SAMD4B: variants seen among roughly 807,000 people sequenced by gnomAD.
SAMD4B encodes the protein sterile alpha motif domain containing 4B, also known as protein Smaug homolog 2.
SAMD4B carries 5 observed loss-of-function variants against 74.5 expected under a neutral mutation model. That is an observed-to-expected ratio of 0.07 (90% CI 0.04 to 0.14). The LOEUF is 0.14. Among genes scored for constraint, SAMD4B ranks in the 10% least tolerant of loss-of-function variants. The pLI, the probability that SAMD4B is intolerant of heterozygous loss-of-function variation, is 1.00. For synonymous variants in SAMD4B, 373 were observed against 374.9 expected, an observed-to-expected ratio of 1.00 and a Z score of 0.06; for missense variants, 608 against 921.8, an observed-to-expected ratio of 0.66 and a Z score of 4.41.
chr19:39,389,896 C>T, downstream of SAMD4B: 5 of 1,278,890 alleles, frequency 3.9e-6, no homozygotes, highest in Non-Finnish European at 5.6e-6. This position sits in a 1 kb window ranked among gnomAD's most constrained non-coding sequence, Gnocchi z 5.3. Context: ...AAAGCTGGCT[C>T]CCCAGTGGGA....
At chr19:39,367,129 T>G (rs1184332627) in intron 3 of SAMD4B, among the ~76,000 whole-genome samples, 1 of 152,232 alleles carries the variant, frequency 6.6e-6, no homozygotes, top group African/African-American at 2.4e-5. Context: ...GTGATCACAC[T>G]TGCCCAGAGT....
intron 4 of SAMD4B, among the ~76,000 whole-genome samples, chr19:39,374,097 GTC>G (rs2077459927): frequency 6.6e-6 from 1 of 152,014 alleles, no homozygotes; most frequent in Non-Finnish European, 1.5e-5. Context: ...GTGAAACCCT[GTC>G]TCTACTAAAA....
chr19:39,366,173 G>T (rs768515353), intron 3 of SAMD4B, among the ~76,000 whole-genome samples: 19 of 152,188 alleles, frequency 1.2e-4, no homozygotes, highest in Non-Finnish European at 2.8e-4. Flanking sequence ...AAAATTAGCC[G>T]GGTGTCATGG....
At chr19:39,351,822 C>T (rs1035609790) in intron 1 of SAMD4B, 2 of 152,100 alleles carry the variant, frequency 1.3e-5, no homozygotes, top group African/African-American at 4.8e-5. Flanking sequence ...CTTAGTAGTT[C>T]CAGCAAAAAT....
intron 7 of SAMD4B, among the ~76,000 whole-genome samples, 188 bp from the exon 8 acceptor site, chr19:39,377,297 T>C (rs1406071629): frequency 1.3e-5 from 2 of 152,158 alleles, no homozygotes; most frequent in Admixed American, 6.5e-5. Flanking sequence ...GACTTCATCT[T>C]AATGGGAAAG....
intron 9 of SAMD4B, 73 bp from the exon 10 acceptor site, chr19:39,379,893 G>C: frequency 2.4e-6 from 3 of 1,275,378 alleles, no homozygotes; most frequent in Non-Finnish European, 3.4e-6. Flanking sequence ...TTGAACAAAT[G>C]AATGGAAGAC....
intron 1 of SAMD4B, among the ~76,000 whole-genome samples, 168 bp from the exon 2 acceptor site, chr19:39,353,838 G>A (rs1190534290): frequency 6.6e-6 from 1 of 152,202 alleles, no homozygotes; most frequent in Non-Finnish European, 1.5e-5. Flanking sequence ...CTGACCTCAA[G>A]TGATCTGCCT....
intron 3 of SAMD4B, among the ~76,000 whole-genome samples, chr19:39,357,903 T>G (rs961878389): frequency 2.6e-5 from 4 of 152,224 alleles, no homozygotes; most frequent in African/African-American, 4.8e-5. Context: ...TGCACCTTCT[T>G]CTTCAGAATA....
chr19:39,380,458 G>A (rs909360893), intron 10 of SAMD4B, 129 bp from the exon 11 acceptor site: 19 of 985,660 alleles, frequency 1.9e-5, no homozygotes, highest in Non-Finnish European at 2.7e-5. Flanking sequence ...TGGGGCAGAT[G>A]AGGACAGAAT....
intron 3 of SAMD4B, among the ~76,000 whole-genome samples, chr19:39,362,346 T>C (rs148510312): frequency 6.6e-6 from 1 of 152,102 alleles, no homozygotes; most frequent in Admixed American, 6.6e-5. Flanking sequence ...GAGGATACTG[T>C]TGTGTGACCT....
chr19:39,380,692 C>A lies in SAMD4B; in HGVS notation c.1755C>A (p.Pro585=), dbSNP rs775964353. The part of the protein sequence containing the change: ...QFPMPPRALP[P]GRMGLLSPSG... ...CAATGCCTCCCCGGGCCCTCCCACC[C>A]GGCCGGATGGGCCTCCTGAGCCCCT... is the stretch of plus-strand genomic sequence containing the variant. Residue 585 remains proline, a synonymous_variant, in exon 11 of 14, where the codon CCC becomes CCA. Transcript: ENST00000610417. 1.9e-6 allele frequency: 3 copies of A among 1,612,954 alleles called. No individual in the cohort carries two copies. The highest frequency in any genetic ancestry group is 2.5e-6 in the Non-Finnish European group (3 of 1,179,668).
intron 1 of SAMD4B, among the ~76,000 whole-genome samples, chr19:39,352,979 T>G (rs2076138111): frequency 6.6e-6 from 1 of 152,024 alleles, no homozygotes; most frequent in Admixed American, 6.6e-5. Context: ...TCCCTCCCAC[T>G]CCCGAGGGAT....
At chr19:39,344,403 A>T (rs1022689148) in intron 1 of SAMD4B, among the ~76,000 whole-genome samples, 1 of 151,408 alleles carries the variant, frequency 6.6e-6, no homozygotes, top group Non-Finnish European at 1.5e-5. Flanking sequence ...CTGTCATCCC[A>T]CTCCAGGACC....
chr19:39,355,155 G>A (rs192194767), intron 2 of SAMD4B, among the ~76,000 whole-genome samples: 1 of 152,322 alleles, frequency 6.6e-6, no homozygotes, highest in Admixed American at 6.5e-5. Context: ...TTACAGGTGA[G>A]AGCCACCATG....
chr19:39,376,432 C>A lies in SAMD4B; in HGVS notation c.908-5C>A. On this transcript the variant is annotated splice_region_variant and splice_polypyrimidine_tract_variant and intron_variant, in intron 5 of 13. Coordinates refer to ENST00000610417, the MANE Select transcript of SAMD4B (RefSeq NM_001384574.2). ...TGACCTTTCACTCTCCCTCCTTTGC[C>A]AAAGATGTGCCCTCATGGCTCAAGA... 1 of 1,609,362 alleles carries A rather than the reference C, an allele frequency of 6.2e-7. No homozygotes were observed. Among genetic ancestry groups the A allele is most frequent in the South Asian group, 1.1e-5 (1 of 91,010 alleles).
At chr19:39,356,652 C>A (rs1600529808) in intron 2 of SAMD4B, 37 bp from the exon 3 acceptor site, 3 of 426,292 alleles carry the variant, frequency 7.0e-6, no homozygotes, top group Non-Finnish European at 8.4e-6. Context: ...AGTTTCAGCC[C>A]CTTCTTTCTG....
Position 39,383,175 on chromosome 19 carries a change from C to T in SAMD4B, c.1973-33C>T. 2 of 1,591,338 alleles carry T rather than the reference C, an allele frequency of 1.3e-6. No homozygotes were observed. The highest frequency in any genetic ancestry group is 1.7e-6 in the Non-Finnish European group (2 of 1,159,196). On this transcript the variant is annotated intron_variant, in intron 12 of 13. Transcript: ENST00000610417. This position sits in a 1 kb window ranked among gnomAD's most constrained non-coding sequence, Gnocchi z 4.1. ...TGTCTTCACCTGAGTCCAGTTGGTC[C>T]TTACCACCCCCATTCTCCTCTCTCC...
chr19:39,372,249 T>A (rs1204608104), intron 4 of SAMD4B, among the ~76,000 whole-genome samples: 1 of 151,930 alleles, frequency 6.6e-6, no homozygotes, highest in African/African-American at 2.4e-5. Context: ...TTCGAATGAG[T>A]AATAACAGTA....
chr19:39,388,215 G>C, downstream of SAMD4B: 1 of 897,016 alleles, frequency 1.1e-6, no homozygotes, highest in Non-Finnish European at 1.8e-6. Flanking sequence ...GACATCTGCT[G>C]CTCTTGTTTA....
Sources: allele counts gnomAD v4.1 joint callset (sites outside exome capture counted in the v4.1 genomes callset), GRCh38; gene constraint gnomAD v4.1.1; non-coding constraint Gnocchi (gnomAD v3.1); transcripts MANE v1.5; gene names NCBI Gene and HGNC (gene_info 2026-07-23, HGNC 2026-07-21).